TNPO3: variants seen among roughly 807,000 people sequenced by gnomAD.
The protein encoded by TNPO3 is transportin-3.
In TNPO3, 65 loss-of-function variants were observed where a neutral mutation model predicts 122.8. The observed-to-expected ratio is 0.53, with a 90% CI of 0.43 to 0.65. The LOEUF (loss-of-function observed/expected upper bound fraction) is 0.65. Ranked by LOEUF, TNPO3 falls within the 30% of genes least tolerant of loss-of-function variation. TNPO3 has a pLI of 0.00. For missense variants in TNPO3, 850 were observed against 1,136.7 expected, an observed-to-expected ratio of 0.75 and a Z score of 3.63; for synonymous variants, 372 against 411.2, an observed-to-expected ratio of 0.90 and a Z score of 1.15.
intron 7 of TNPO3, 126 bp from the exon 8 acceptor site, chr7:128,997,661 G>T: frequency 3.7e-6 from 3 of 812,994 alleles, no homozygotes; most frequent in South Asian, 2.0e-5. Flanking sequence ...AGCCAGTTAA[G>T]AAGTCACCTT....
At chr7:129,049,504 T>A (rs528782780) in intron 1 of TNPO3, among the ~76,000 whole-genome samples, 165 of 152,282 alleles carry the variant, frequency 1.1e-3, no homozygotes, top group Non-Finnish European at 2.1e-3. Flanking sequence ...GAAGACCTAA[T>A]AAAGAAGAAG....
chr7:129,003,196 C>A (rs1315433548), intron 5 of TNPO3, among the ~76,000 whole-genome samples: 3 of 151,304 alleles, frequency 2.0e-5, no homozygotes, highest in Non-Finnish European at 4.4e-5. Context: ...GCACTCCAGC[C>A]TGGGCGACAG....
chr7:129,027,589 A>AAAAC (rs1805385163), intron 1 of TNPO3, among the ~76,000 whole-genome samples: 2 of 77,418 alleles, frequency 2.6e-5, no homozygotes, highest in African/African-American at 4.6e-5. Context: ...AAAAAAAAAA[A>AAAAC]AACAACACAA....
chr7:128,997,809 A>G (rs1162402474), intron 7 of TNPO3, among the ~76,000 whole-genome samples: 2 of 152,108 alleles, frequency 1.3e-5, no homozygotes, highest in Non-Finnish European at 2.9e-5. Context: ...TTGAATTTAG[A>G]GAAAACAATA....
intron 21 of TNPO3, among the ~76,000 whole-genome samples, chr7:128,959,873 T>C (rs1797267756): frequency 6.6e-6 from 1 of 152,004 alleles, no homozygotes; most frequent in Non-Finnish European, 1.5e-5. Flanking sequence ...AGACAAAAAT[T>C]AGCCGTGTGT....
At chr7:128,972,370 C>CA in intron 19 of TNPO3, 56 bp downstream of exon 19, 1 of 1,547,802 alleles carries the variant, frequency 6.5e-7, no homozygotes, top group Non-Finnish European at 8.8e-7. Flanking sequence ...TAAGGAATGA[C>CA]AAAGAGATAG....
chr7:128,974,123 G>T (rs1303506278), intron 18 of TNPO3, among the ~76,000 whole-genome samples: 1 of 149,648 alleles, frequency 6.7e-6, no homozygotes, highest in Non-Finnish European at 1.5e-5. Context: ...GCAGTGAGCC[G>T]AGATCATGCC....
At chr7:128,977,448 A>T (rs1799173810) in intron 16 of TNPO3, among the ~76,000 whole-genome samples, 1 of 152,212 alleles carries the variant, frequency 6.6e-6, no homozygotes, top group African/African-American at 2.4e-5. Flanking sequence ...AATTCTGTTG[A>T]AATATTTACC....
At position 129,008,417 on chromosome 7, in the gene TNPO3, G is replaced by C. The variant is rs1802817841; in HGVS notation, c.553-3258C>G. On this transcript the variant is annotated intron_variant, in intron 4 of 22. Coordinates refer to ENST00000265388, the MANE Select transcript of TNPO3 (RefSeq NM_012470.4). ...CCAGAAAACACACTAGATGAGATAA[G>C]AAAATGTCACAAATATGGTTCTGGC... Among the ~76,000 whole-genome samples the C allele has an allele frequency of 2.6e-5, 4 of 151,278 alleles. 1 individual carries two copies. The South Asian group carries it at 8.4e-4, about 32-fold the overall frequency.
intron 2 of TNPO3, 80 bp from the exon 3 acceptor site, chr7:129,017,136 A>G: frequency 7.5e-7 from 1 of 1,338,454 alleles, no homozygotes; most frequent in South Asian, 1.2e-5. Context: ...AAGCAAAGAA[A>G]CATTTCTTCC....
intron 7 of TNPO3, among the ~76,000 whole-genome samples, chr7:128,999,769 C>T (rs1209537955): frequency 1.3e-5 from 2 of 152,028 alleles, no homozygotes; most frequent in African/African-American, 2.4e-5. Context: ...TGAGCCACCA[C>T]GCCTGACTAA....
chr7:129,000,616 A>G (rs555189277), intron 6 of TNPO3, 49 bp from the exon 7 acceptor site: 19 of 1,557,156 alleles, frequency 1.2e-5, no homozygotes, highest in Middle Eastern at 4.4e-4. Context: ...TCTGGATATT[A>G]TAAGTATATA....
chr7:128,986,984 A>G, intron 11 of TNPO3, 64 bp from the exon 12 acceptor site: 1 of 1,486,758 alleles, frequency 6.7e-7, no homozygotes, highest in Non-Finnish European at 9.0e-7. Context: ...TAGTTTATTA[A>G]AACAGAGGTA....
chr7:129,001,034 G>A, intron 6 of TNPO3, 25 bp downstream of exon 6: 1 of 1,609,514 alleles, frequency 6.2e-7, no homozygotes. Context: ...TAAACCCAGG[G>A]CTCCAGACTT....
intron 1 of TNPO3, among the ~76,000 whole-genome samples, chr7:129,047,803 T>G (rs1343801578): frequency 6.6e-6 from 1 of 152,216 alleles, no homozygotes; most frequent in Non-Finnish European, 1.5e-5. Context: ...CAAATGGATG[T>G]TAAAACACTA....
intron 1 of TNPO3, among the ~76,000 whole-genome samples, chr7:129,035,357 C>A (rs1311327325): frequency 6.6e-6 from 1 of 152,162 alleles, no homozygotes; most frequent in Non-Finnish European, 1.5e-5. Flanking sequence ...AATCCTAGCA[C>A]TTTGGGAGGC....
chr7:128,983,747 C>A (rs1281987705), intron 13 of TNPO3, among the ~76,000 whole-genome samples: 1 of 140,106 alleles, frequency 7.1e-6, no homozygotes, highest in Non-Finnish European at 1.6e-5. Flanking sequence ...GACAGCCCAT[C>A]TTTTTAGACT....
intron 3 of TNPO3, 70 bp from the exon 4 acceptor site, chr7:129,015,205 A>T: frequency 1.3e-6 from 2 of 1,525,258 alleles, no homozygotes; most frequent in Admixed American, 4.2e-5. Context: ...GATAACAGCC[A>T]TCAGAGTAAC....
chr7:129,038,572 A>C (rs1298042050), intron 1 of TNPO3, among the ~76,000 whole-genome samples: 2 of 152,238 alleles, frequency 1.3e-5, no homozygotes, highest in Non-Finnish European at 2.9e-5. Context: ...AAAGACATGG[A>C]ATCAACTTAA....
Sources: allele counts gnomAD v4.1 joint callset (sites outside exome capture counted in the v4.1 genomes callset), GRCh38; gene constraint gnomAD v4.1.1; transcripts MANE v1.5; gene names NCBI Gene and HGNC (gene_info 2026-07-23, HGNC 2026-07-21).